RAB10: variants seen among roughly 807,000 people sequenced by gnomAD.
The protein encoded by RAB10 is ras-related protein Rab-10.
In RAB10, 5 loss-of-function variants were observed where a neutral mutation model predicts 25.7. The ratio of observed to expected loss-of-function variants is 0.19; its 90% confidence interval spans 0.10 to 0.41. The LOEUF (loss-of-function observed/expected upper bound fraction) is 0.41, where lower values mean the gene tolerates loss of function less well. RAB10 is among the 10% of genes least tolerant of loss of function. RAB10 has a pLI of 1.00. For synonymous variants in RAB10, 89 were observed against 86.4 expected (o/e 1.03, Z -0.16); for missense variants, 103 against 245.8 (o/e 0.42, Z 3.89).
chr2:26,084,362 G>A (rs1666933775), intron 1 of RAB10, among the ~76,000 whole-genome samples: 1 of 152,294 alleles, frequency 6.6e-6, no homozygotes, highest in Admixed American at 6.5e-5. Flanking sequence ...CAAGTGTGTA[G>A]TAAGTGTGGT....
chr2:26,049,333 C>T (rs1036533559), intron 1 of RAB10, among the ~76,000 whole-genome samples: 65 of 151,666 alleles, frequency 4.3e-4, no homozygotes, highest in African/African-American at 1.5e-3. Flanking sequence ...TCTGTATGAC[C>T]TGACAGGAAT....
chr2:26,107,245 C>CAAA (rs57391958), intron 2 of RAB10, among the ~76,000 whole-genome samples: 6 of 66,788 alleles, frequency 9.0e-5, no homozygotes, highest in South Asian at 5.1e-4. Flanking sequence ...CACCCTGTTT[C>CAAA]AAAAAAAAAA....
At chr2:26,108,879 A>ATTTTTATTTATTTATT (rs1212667172) in intron 2 of RAB10, among the ~76,000 whole-genome samples, 6 of 139,564 alleles carry the variant, frequency 4.3e-5, no homozygotes, top group African/African-American at 1.3e-4. Flanking sequence ...CTTTTGCTTT[A>ATTTTTATTTATTTATT]TATTTATTTA....
At chr2:26,103,643 A>G (rs1007091396) in intron 2 of RAB10, among the ~76,000 whole-genome samples, 4 of 152,192 alleles carry the variant, frequency 2.6e-5, no homozygotes, top group East Asian at 1.9e-4. Context: ...AAACAATTTA[A>G]TAGTTTTTAG....
intron 2 of RAB10, among the ~76,000 whole-genome samples, chr2:26,106,824 G>T (rs1216340824): frequency 6.6e-6 from 1 of 152,128 alleles, no homozygotes; most frequent in African/African-American, 2.4e-5. Context: ...GGCAGAGGTT[G>T]CAATGTGCCG....
chr2:26,109,053 A>G (rs1667521521), intron 2 of RAB10, among the ~76,000 whole-genome samples: 1 of 151,982 alleles, frequency 6.6e-6, no homozygotes, highest in South Asian at 2.1e-4. Flanking sequence ...GTGGGATTAC[A>G]GGCACGTGCC....
intron 3 of RAB10, among the ~76,000 whole-genome samples, chr2:26,124,830 G>T (rs1456664012): frequency 1.3e-5 from 2 of 151,884 alleles, no homozygotes; most frequent in Non-Finnish European, 2.9e-5. Flanking sequence ...ACTGTTATAG[G>T]TACCTCATAT....
intron 2 of RAB10, chr2:26,102,129 T>A (rs1413547911): frequency 1.3e-5 from 2 of 152,300 alleles, no homozygotes; most frequent in Non-Finnish European, 2.9e-5. Context: ...AGTGGCAGGA[T>A]CTGCCATTTG....
chr2:26,050,196 A>G (rs1368157513), intron 1 of RAB10, among the ~76,000 whole-genome samples: 2 of 152,150 alleles, frequency 1.3e-5, no homozygotes, highest in Non-Finnish European at 2.9e-5. Context: ...GAGGCTTTCC[A>G]TGTTTGACAA....
chr2:26,098,751 C>T lies in RAB10; in HGVS notation c.188+29C>T, dbSNP rs768017804. 8.0e-6 allele frequency: 12 copies of T among 1,506,888 alleles called. No individual in the cohort carries two copies. The Admixed American group carries it at 1.3e-4, about 16-fold the overall frequency. The allele number at this position is 1,506,888 out of a possible 1,614,324, so 93.3% of individuals were successfully genotyped here. ...AGTGATGCTAATTTACTTTATGTAG[C>T]AGAATGTCAGGTTCCTTAAGGTTTC... On this transcript the variant is annotated intron_variant, in intron 2 of 5. Transcript: ENST00000264710.
intron 1 of RAB10, among the ~76,000 whole-genome samples, chr2:26,086,679 G>A (rs1282449180): frequency 2.6e-5 from 4 of 152,076 alleles, no homozygotes; most frequent in Non-Finnish European, 4.4e-5. Flanking sequence ...GCCAAAAGGT[G>A]GAATTTAACA....
In RAB10 at chr2:26,124,302, T is replaced by G. The variant is rs1667862021; in HGVS notation, c.328-2842T>G. Among the ~76,000 whole-genome samples the G allele has an allele frequency of 2.0e-5, 3 of 149,538 alleles. No individual in the cohort carries two copies. In the Admixed American group the frequency reaches 2.0e-4, roughly 10 times the overall value. On this transcript the variant is annotated intron_variant, in intron 3 of 5. Transcript: ENST00000264710. ...CAGCATATTTTATAACTTTCCTAGT[T>G]TTTTTTTTTCTTATAGCTACAGGAA... is the stretch of plus-strand genomic sequence containing the variant.
At chr2:26,111,376 G>A (rs1000347757) in intron 3 of RAB10, among the ~76,000 whole-genome samples, 7 of 152,062 alleles carry the variant, frequency 4.6e-5, no homozygotes, top group African/African-American at 1.7e-4. Flanking sequence ...AGGCCGAGGT[G>A]GGCGGATCAC....
chr2:26,094,726 T>G (rs551215173), intron 1 of RAB10, among the ~76,000 whole-genome samples: 1 of 152,050 alleles, frequency 6.6e-6, no homozygotes, highest in Non-Finnish European at 1.5e-5. Context: ...GCCTGGCTAA[T>G]TTTTGTATTT....
At chr2:26,034,942 C>T (rs1230763352) in intron 1 of RAB10, among the ~76,000 whole-genome samples, 2 of 152,148 alleles carry the variant, frequency 1.3e-5, no homozygotes, top group African/African-American at 4.8e-5. Flanking sequence ...TTCGAGTCTC[C>T]CACTATGCTC....
At chr2:26,108,371 A>G (rs1231353115) in intron 2 of RAB10, among the ~76,000 whole-genome samples, 1 of 152,248 alleles carries the variant, frequency 6.6e-6, no homozygotes, top group South Asian at 2.1e-4. Context: ...CTTCAAGAGC[A>G]TTATGGTGAA....
intron 1 of RAB10, among the ~76,000 whole-genome samples, chr2:26,064,799 C>T (rs950764609): frequency 6.6e-6 from 1 of 152,172 alleles, no homozygotes; most frequent in Non-Finnish European, 1.5e-5. Context: ...GTAATCCCAG[C>T]ACTTTGGGAG....
chr2:26,120,758 T>G (rs770014625), intron 3 of RAB10, among the ~76,000 whole-genome samples: 2 of 151,928 alleles, frequency 1.3e-5, no homozygotes, highest in East Asian at 3.9e-4. Flanking sequence ...ACCCAGCTAA[T>G]TTTTTGTATT....
intron 1 of RAB10, among the ~76,000 whole-genome samples, chr2:26,039,666 T>C (rs7574820): frequency 0.015 from 2,290 of 152,112 alleles, 41 homozygotes; most frequent in African/African-American, 0.04. Context: ...TAAATTTTAA[T>C]AATATATTTT....
Sources: gnomAD v4.1 joint callset for allele counts (sites outside exome capture counted in the v4.1 genomes callset) on GRCh38, gnomAD v4.1.1 for gene constraint, MANE v1.5 for transcripts, NCBI Gene and HGNC (gene_info 2026-07-23, HGNC 2026-07-21) for gene names.